The following GALNT15 variants were observed in gnomAD, a reference collection of about 807,000 sequenced individuals.
GALNT15 encodes polypeptide N-acetylgalactosaminyltransferase 15.
A neutral mutation model predicts 66.8 loss-of-function variants in GALNT15; 67 were observed. That is an observed-to-expected ratio of 1.00 (90% CI 0.82 to 1.23). The LOEUF (loss-of-function observed/expected upper bound fraction) is 1.23. GALNT15 is among the 50% of genes most tolerant of loss of function. The pLI is 0.00. For missense variants in GALNT15, 827 were observed against 804.3 expected, an observed-to-expected ratio of 1.03 and a Z score of -0.34; for synonymous variants, 313 against 311.5, an observed-to-expected ratio of 1.00 and a Z score of -0.05.
In GALNT15 at chr3:16,219,567, C is replaced by G; in HGVS notation, c.1524+33C>G. 6.2e-7 allele frequency: 1 copy of G among 1,609,408 alleles called. No homozygotes were observed. Among genetic ancestry groups the G allele is most frequent in the Non-Finnish European group, 8.5e-7 (1 of 1,178,208 alleles). ...ATGACCCAGGGAAGATGGGGAGGGA[C>G]AGGGAAGCTTCCCAAGACAAGAACT... On this transcript the variant is annotated intron_variant, in intron 7 of 9. Coordinates refer to ENST00000339732, the MANE Select transcript of GALNT15 (RefSeq NM_054110.5). The surrounding 1 kb of genome is among the most constrained non-coding windows in gnomAD (Gnocchi z 4.3).
rs1232763977 is a variant in GALNT15 at position 16,208,619 on chromosome 3, C to T, written c.1028C>T (p.Pro343Leu). The change falls in exon 4 of 10, where the codon CCT becomes CTT. Residue 343 changes from proline (P) to leucine (L), a missense_variant. Pro to Leu is a moderately conservative substitution (Grantham distance 98). Transcript: ENST00000339732. Reference protein sequence around the residue: ...LDWKLDFHWEPLPEHVRKALQ... With the variant: ...LDWKLDFHWELLPEHVRKALQ... ...TGGAAGCTGGATTTCCACTGGGAAC[C>T]TTTGCCAGAGCATGTGAGGAAGGCC... 2.5e-6 allele frequency: 4 copies of T among 1,614,008 alleles called. No individual in the cohort carries two copies. The highest frequency in any genetic ancestry group is 1.1e-5 in the South Asian group (1 of 91,074).
In GALNT15 at chr3:16,203,541, TCTCACACACACACACACACACACA is replaced by T. The variant is rs2063725381; in HGVS notation, c.911+2720_911+2743del. 1.7e-5 allele frequency among the ~76,000 whole-genome samples: 1 copy of T among 58,630 alleles called. No homozygotes were observed. Among genetic ancestry groups the T allele is most frequent in the South Asian group, 5.3e-4 (1 of 1,886 alleles). 38.5% of individuals were successfully genotyped at this position (58,630 alleles called of 152,430 possible). On this transcript the variant is annotated intron_variant, in intron 3 of 9. Coordinates refer to ENST00000339732, the MANE Select transcript of GALNT15 (RefSeq NM_054110.5). The surrounding 1 kb of genome is among the most constrained non-coding windows in gnomAD (Gnocchi z 6.2). ...CTCATTCTCTCTCTCTCTCTCTCTC[TCTCACACACACACACACACACACA>T]CACACACACACACACACACACACAG...
In GALNT15 at chr3:16,182,559, C is replaced by G. The variant is rs535323446; in HGVS notation, c.539+6869C>G. On this transcript the variant is annotated intron_variant, in intron 1 of 9. Coordinates refer to ENST00000339732, the MANE Select transcript of GALNT15 (RefSeq NM_054110.5). This position sits in a 1 kb window ranked among gnomAD's most constrained non-coding sequence, Gnocchi z 6.1. ...TGAAGGAGGTGGACAGGAGGGAGAC[C>G]CACGATCCACAGTTCCTTTGGGGAC... 6.6e-6 allele frequency among the ~76,000 whole-genome samples: 1 copy of G among 152,292 alleles called. No individual in the cohort carries two copies. The highest frequency in any genetic ancestry group is 1.9e-4 in the East Asian group (1 of 5,192).
At position 16,186,540 on chromosome 3, in the gene GALNT15, T is replaced by G. The variant is rs1431976568; in HGVS notation, c.540-9220T>G. 6.6e-6 allele frequency among the ~76,000 whole-genome samples: 1 copy of G among 152,232 alleles called. No individual in the cohort carries two copies. Among genetic ancestry groups the G allele is most frequent in the East Asian group, 1.9e-4 (1 of 5,206 alleles). On this transcript the variant is annotated intron_variant, in intron 1 of 9. Transcript: ENST00000339732. This position sits in a 1 kb window ranked among gnomAD's most constrained non-coding sequence, Gnocchi z 5.1. Reference sequence around the variant, plus strand: ...TAAGTCAAAATAGGAGCAATCCAAATGTCCATCAGCTGATGAATGGACAAA... The same window carrying G: ...TAAGTCAAAATAGGAGCAATCCAAAGGTCCATCAGCTGATGAATGGACAAA...
chr3:16,175,700 G>A lies in GALNT15; in HGVS notation c.539+10G>A, dbSNP rs772420219. 6 of 1,552,504 alleles carry A rather than the reference G, an allele frequency of 3.9e-6. No homozygotes were observed. The South Asian group carries it at 4.8e-5, about 12-fold the overall frequency. On this transcript the variant is annotated intron_variant, in intron 1 of 9. Transcript: ENST00000339732. The surrounding 1 kb of genome is among the most constrained non-coding windows in gnomAD (Gnocchi z 5.6). ...AGGTGCGGCACCCACTGTAAGTAAG[G>A]CCCTTGTTTTCCCTTCCCTGATCCC...
intron 2 of GALNT15, among the ~76,000 whole-genome samples, chr3:16,196,540 T>G (rs1351856049): frequency 1.3e-5 from 2 of 152,082 alleles, no homozygotes; most frequent in African/African-American, 2.4e-5. Flanking sequence ...TAAAAGAAGA[T>G]GGAGACAGAG....
chr3:16,205,591 T>C (rs2063748016), intron 3 of GALNT15, among the ~76,000 whole-genome samples: 2 of 152,216 alleles, frequency 1.3e-5, no homozygotes, highest in South Asian at 4.1e-4. Context: ...TTCCAGCTCC[T>C]TCCAAGTCAA....
At chr3:16,239,801 G>A in the GALNT15 span, among the ~76,000 whole-genome samples, 1 of 152,150 alleles carries the variant, frequency 6.6e-6, no homozygotes, top group Admixed American at 6.5e-5. This position sits in a 1 kb window ranked among gnomAD's most constrained non-coding sequence, Gnocchi z 5.2. Flanking sequence ...AAGTGAAGGG[G>A]GTGGGCTTCC....
intron 6 of GALNT15, among the ~76,000 whole-genome samples, chr3:16,215,727 T>G (rs768136103): frequency 2.6e-5 from 4 of 151,932 alleles, no homozygotes; most frequent in Non-Finnish European, 5.9e-5. Context: ...CTGGCTAACA[T>G]GGTGAAACCC....
In GALNT15 at chr3:16,200,320, G is replaced by C. The variant is rs2063685848; in HGVS notation, c.707-299G>C. On this transcript the variant is annotated intron_variant, in intron 2 of 9. Coordinates refer to ENST00000339732, the MANE Select transcript of GALNT15 (RefSeq NM_054110.5). This position sits in a 1 kb window ranked among gnomAD's most constrained non-coding sequence, Gnocchi z 4.4. ...GGGGACAAAGAGCCAAACCATATCA[G>C]ACACCAACAGTATCTGCTACATTCT... 2.0e-5 allele frequency among the ~76,000 whole-genome samples: 3 copies of C among 152,152 alleles called. No individual in the cohort carries two copies. The highest frequency in any genetic ancestry group is 7.2e-5 in the African/African-American group (3 of 41,432).
chr3:16,211,139 C>T lies in GALNT15; in HGVS notation c.1095C>T (p.Pro365=), dbSNP rs188488042. ...PISPIRSPVV[P]GEVVAMDRHY... ...CTGTGTCCAGGAGCCCTGTGGTGCCCGGAGAGGTGGTGGCCATGGACAGAC... is the reference window on the plus strand; with the variant it reads ...CTGTGTCCAGGAGCCCTGTGGTGCCTGGAGAGGTGGTGGCCATGGACAGAC... The change falls in exon 5 of 10, where the codon CCC becomes CCT. Residue 365 remains proline, a synonymous_variant. Coordinates refer to ENST00000339732, the MANE Select transcript of GALNT15 (RefSeq NM_054110.5). This position sits in a 1 kb window ranked among gnomAD's most constrained non-coding sequence, Gnocchi z 4.3. The T allele has an allele frequency of 3.0e-5, 49 of 1,613,060 alleles. No individual in the cohort carries two copies. Among genetic ancestry groups the T allele is most frequent in the Admixed American group, 1.7e-4 (10 of 60,016 alleles).
In GALNT15 at chr3:16,209,398, C is replaced by T. The variant is rs2063788850; in HGVS notation, c.1079+728C>T. Among the ~76,000 whole-genome samples the T allele has an allele frequency of 6.6e-6, 1 of 152,128 alleles. No homozygotes were observed. The highest frequency in any genetic ancestry group is 2.4e-5 in the African/African-American group (1 of 41,430). ...GAGAGGTGAATCCAGAATTTAAACC[C>T]AGACAGCCAGGCCCTTGAGACGACT... On this transcript the variant is annotated intron_variant, in intron 4 of 9. Transcript: ENST00000339732. This position sits in a 1 kb window ranked among gnomAD's most constrained non-coding sequence, Gnocchi z 4.1.
chr3:16,229,364 GGCTGGCCACA>G lies in GALNT15; in HGVS notation c.*1865_*1874del, dbSNP rs1278997540. The G allele has an allele frequency of 4.7e-6, 4 of 846,600 alleles. No homozygotes were observed. The highest frequency in any genetic ancestry group is 1.4e-6 in the Non-Finnish European group (1 of 703,858). The allele number at this position is 846,600 out of a possible 1,614,324, so 52.4% of individuals were successfully genotyped here. ...AATTTAAAACTCAATTCCTCAATTG[GGCTGGCCACA>G]TTTCAAATGCTCACTACCCACCTGT... On this transcript the variant is annotated 3_prime_UTR_variant, in exon 10 of 10. Coordinates refer to ENST00000339732, the MANE Select transcript of GALNT15 (RefSeq NM_054110.5).
the GALNT15 span, among the ~76,000 whole-genome samples, chr3:16,245,666 T>C: frequency 1.3e-5 from 2 of 152,134 alleles, no homozygotes; most frequent in Non-Finnish European, 2.9e-5. Flanking sequence ...AAGCATCACA[T>C]GAAATTGAAG....
At chr3:16,216,815 C>T (rs2063884199) in intron 6 of GALNT15, among the ~76,000 whole-genome samples, 1 of 152,206 alleles carries the variant, frequency 6.6e-6, no homozygotes, top group Non-Finnish European at 1.5e-5. Context: ...ACCAGTTAAA[C>T]GCCACCATTT....
the GALNT15 span, among the ~76,000 whole-genome samples, chr3:16,240,265 GC>G: frequency 1.5e-5 from 2 of 132,144 alleles, no homozygotes; most frequent in African/African-American, 2.7e-5. Flanking sequence ...GGATTACTTT[GC>G]AGATTTAAAA....
intron 2 of GALNT15, 88 bp downstream of exon 2, chr3:16,196,014 T>C: frequency 7.3e-7 from 1 of 1,375,442 alleles, no homozygotes; most frequent in Non-Finnish European, 1.0e-6. Context: ...AGTTTGGAAC[T>C]ATTTTAGGCA....
chr3:16,185,748 C>CAGAT (rs56684049), intron 1 of GALNT15, among the ~76,000 whole-genome samples: 4,068 of 148,280 alleles, frequency 0.027, 59 homozygotes, highest in Non-Finnish European at 0.032. Context: ...GATAGACAGA[C>CAGAT]AGATAGATAG....
rs968749500 is a variant in GALNT15, at chr3:16,189,002, A to G, written c.540-6758A>G. 1.3e-5 allele frequency among the ~76,000 whole-genome samples: 2 copies of G among 152,092 alleles called. No homozygotes were observed. The highest frequency in any genetic ancestry group is 6.6e-5 in the Admixed American group (1 of 15,262). ...CTCCTCAGCATCTCCCAAAACTTACACACTCACATCAGCTAAGGAGTTGGA... is the reference window on the plus strand; with the variant it reads ...CTCCTCAGCATCTCCCAAAACTTACGCACTCACATCAGCTAAGGAGTTGGA... On this transcript the variant is annotated intron_variant, in intron 1 of 9. Transcript: ENST00000339732. This position sits in a 1 kb window ranked among gnomAD's most constrained non-coding sequence, Gnocchi z 5.1.
Sources: allele counts gnomAD v4.1 joint callset (sites outside exome capture counted in the v4.1 genomes callset), GRCh38; gene constraint gnomAD v4.1.1; non-coding constraint Gnocchi (gnomAD v3.1); transcripts MANE v1.5; gene names NCBI Gene and HGNC (gene_info 2026-07-23, HGNC 2026-07-21).